FBXO36: variants seen among roughly 807,000 people sequenced by gnomAD.
FBXO36 encodes F-box only protein 36.
FBXO36 carries 18 observed loss-of-function variants against 17.0 expected under a neutral mutation model. The observed-to-expected ratio is 1.06, with a 90% CI of 0.73 to 1.57. The LOEUF (loss-of-function observed/expected upper bound fraction) is 1.57. Ranked by LOEUF, FBXO36 falls within the 40% of genes most tolerant of loss-of-function variation. The pLI is 0.00. For synonymous variants in FBXO36, 83 were observed against 85.3 expected (o/e 0.97, Z 0.15); for missense variants, 229 against 221.9 (o/e 1.03, Z -0.20).
At chr2:229,984,310 T>G (rs1237239527) in intron 2 of FBXO36, among the ~76,000 whole-genome samples, 1 of 151,254 alleles carries the variant, frequency 6.6e-6, no homozygotes, top group Non-Finnish European at 1.5e-5. Context: ...ATCATGCCAC[T>G]GCACTCCAGC....
At chr2:229,930,623 C>T (rs111541029) in intron 1 of FBXO36, among the ~76,000 whole-genome samples, 22,580 of 149,358 alleles carry the variant, frequency 0.15, 1,748 homozygotes, top group Admixed American at 0.2. Flanking sequence ...TGGTGGTGGG[C>T]GCCTGTAATC....
At position 229,967,772 on chromosome 2, in the gene FBXO36, G is replaced by A. The variant is rs183813566; in HGVS notation, c.97-8469G>A. The stretch of plus-strand genomic sequence containing the variant: ...AGCTTTTTGATGTGCTGCTAGATTC[G>A]GTTTGCCAGTATTTTATTGAGGACT... On this transcript the variant is annotated intron_variant, in intron 1 of 3. Transcript: ENST00000283946. Among the ~76,000 whole-genome samples the A allele has an allele frequency of 1.6e-3, 251 of 152,222 alleles. 1 individual carries two copies. The highest frequency in any genetic ancestry group is 2.7e-3 in the Non-Finnish European group (181 of 68,014).
At chr2:230,008,441 C>T (rs1560459084) in intron 3 of FBXO36, among the ~76,000 whole-genome samples, 1 of 152,158 alleles carries the variant, frequency 6.6e-6, no homozygotes, top group Admixed American at 6.6e-5. Flanking sequence ...AACCTGGCAA[C>T]TACTAAGCAA....
Position 230,012,215 on chromosome 2 carries a change from C to G in FBXO36, c.*1331C>G, listed in dbSNP as rs960304728. ...AATACAGAAGTTGTGGACTCTGGCT[C>G]TTTGTCCCACCTAAGTCCTTCCAGA... On this transcript the variant is annotated 3_prime_UTR_variant, in exon 4 of 4. Coordinates refer to ENST00000283946, the MANE Select transcript of FBXO36 (RefSeq NM_174899.5). 2.0e-5 allele frequency: 3 copies of G among 152,060 alleles called. No individual in the cohort carries two copies. The highest frequency in any genetic ancestry group is 7.2e-5 in the African/African-American group (3 of 41,394). The allele number at this position is 152,060 out of a possible 1,614,324, so 9.4% of individuals were successfully genotyped here.
At chr2:229,990,944 T>TC (rs532169963) in intron 2 of FBXO36, among the ~76,000 whole-genome samples, 4 of 151,986 alleles carry the variant, frequency 2.6e-5, no homozygotes, top group Non-Finnish European at 4.4e-5. Context: ...TTCTTTTTTT[T>TC]CCCCTCCCCC....
At chr2:229,926,143 A>C (rs1364030054) in intron 1 of FBXO36, among the ~76,000 whole-genome samples, 1 of 150,668 alleles carries the variant, frequency 6.6e-6, no homozygotes, top group African/African-American at 2.4e-5. Context: ...AAAAAAAAAA[A>C]AAGGGGGGGC....
At chr2:229,980,355 C>T (rs1160265310) in intron 2 of FBXO36, among the ~76,000 whole-genome samples, 1 of 148,304 alleles carries the variant, frequency 6.7e-6, no homozygotes, top group Non-Finnish European at 1.5e-5. Flanking sequence ...AGCCACGGCG[C>T]CCTGCCTCCA....
chr2:229,928,530 G>A (rs570933823), intron 1 of FBXO36, among the ~76,000 whole-genome samples: 2 of 152,192 alleles, frequency 1.3e-5, no homozygotes, highest in South Asian at 4.1e-4. Context: ...ACTTTGAGGT[G>A]GTGTCCTGCC....
chr2:230,007,731 G>A (rs1208788627), intron 3 of FBXO36, among the ~76,000 whole-genome samples: 1 of 151,996 alleles, frequency 6.6e-6, no homozygotes, highest in African/African-American at 2.4e-5. Flanking sequence ...CAAGTAGCTG[G>A]GACTACAGGC....
intron 1 of FBXO36, among the ~76,000 whole-genome samples, chr2:229,926,190 G>A (rs1354458131): frequency 6.6e-6 from 1 of 151,306 alleles, no homozygotes; most frequent in Non-Finnish European, 1.5e-5. Flanking sequence ...AGCACTTTGG[G>A]AGGCCGACAC....
At chr2:229,993,740 A>G (rs530998799) in intron 2 of FBXO36, among the ~76,000 whole-genome samples, 8 of 152,106 alleles carry the variant, frequency 5.3e-5, no homozygotes. Context: ...CTAGCTGTAC[A>G]TGTCCTAAAA....
chr2:229,964,088 C>G (rs1409364035), intron 1 of FBXO36, among the ~76,000 whole-genome samples: 2 of 151,292 alleles, frequency 1.3e-5, no homozygotes, highest in African/African-American at 4.9e-5. Context: ...ATATTTTTCT[C>G]TCTTTATACA....
At position 229,928,205 on chromosome 2, in the gene FBXO36, C is replaced by T. The variant is rs144483970; in HGVS notation, c.96+5596C>T. Among the ~76,000 whole-genome samples the T allele has an allele frequency of 2.2e-3, 341 of 152,286 alleles. 2 individuals are homozygous for T. Among genetic ancestry groups the T allele is most frequent in the Middle Eastern group, 0.02 (6 of 294 alleles). On this transcript the variant is annotated intron_variant, in intron 1 of 3. Transcript: ENST00000283946. ...ATTCATTCATGCCATAGAATACTATCCAACTTTTCAAAAACAATGCGGTGG... is the reference window on the plus strand; with the variant it reads ...ATTCATTCATGCCATAGAATACTATTCAACTTTTCAAAAACAATGCGGTGG...
chr2:230,002,677 C>G (rs1033813685), intron 3 of FBXO36, among the ~76,000 whole-genome samples: 1 of 152,162 alleles, frequency 6.6e-6, no homozygotes, highest in African/African-American at 2.4e-5. Flanking sequence ...CGCCACCATG[C>G]CCGGCATTAA....
rs546352416 is a variant in FBXO36 at position 229,952,991 on chromosome 2, A to T, written c.97-23250A>T. Among the ~76,000 whole-genome samples the T allele has an allele frequency of 3.3e-5, 5 of 150,994 alleles. No homozygotes were observed. In the South Asian group the frequency reaches 1.1e-3, roughly 33 times the overall value. ...TTTTCTCGGGTTGGGATGGAGAGAG[A>T]TGTTTTTCCCTGTTTACTGTGTTCA... On this transcript the variant is annotated intron_variant, in intron 1 of 3. Coordinates refer to ENST00000283946, the MANE Select transcript of FBXO36 (RefSeq NM_174899.5).
chr2:229,999,166 G>A (rs978038697), intron 3 of FBXO36, among the ~76,000 whole-genome samples: 33 of 131,346 alleles, frequency 2.5e-4, no homozygotes, highest in African/African-American at 8.4e-4. Context: ...TTTCTCTGTC[G>A]CCCAGGCCAG....
intron 1 of FBXO36, among the ~76,000 whole-genome samples, chr2:229,964,613 C>T (rs771810156): frequency 3.9e-5 from 6 of 152,172 alleles, no homozygotes; most frequent in African/African-American, 7.2e-5. Context: ...CTCCACCTCC[C>T]GGGTTCAAGT....
intron 1 of FBXO36, among the ~76,000 whole-genome samples, chr2:229,940,343 G>A (rs1291575397): frequency 6.6e-6 from 1 of 152,138 alleles, no homozygotes; most frequent in Non-Finnish European, 1.5e-5. Flanking sequence ...AGCGATTGAT[G>A]GATACGTAAA....
At chr2:229,995,588 C>CTTTTTTTTTTTTTTTT (rs1560454291) in intron 2 of FBXO36, among the ~76,000 whole-genome samples, 1 of 121,344 alleles carries the variant, frequency 8.2e-6, no homozygotes. Flanking sequence ...CTTTCTCTTT[C>CTTTTTTTTTTTTTTTT]TTTCTTTCTT....
Sources: allele counts gnomAD v4.1 joint callset (sites outside exome capture counted in the v4.1 genomes callset), GRCh38; gene constraint gnomAD v4.1.1; transcripts MANE v1.5; gene names NCBI Gene and HGNC (gene_info 2026-07-23, HGNC 2026-07-21).